Variants in SYNRG observed in about 807,000 individuals in gnomAD.
SYNRG encodes AP1 gamma subunit binding protein 1.
Under a neutral mutation model 130.9 loss-of-function variants are expected in SYNRG, and 37 were observed. The ratio of observed to expected loss-of-function variants is 0.28; its 90% CI spans 0.22 to 0.37. The LOEUF (loss-of-function observed/expected upper bound fraction) is 0.37, where lower values mean the gene tolerates loss of function less well. Ranked by LOEUF, SYNRG falls within the 10% of genes least tolerant of loss-of-function variation. The probability of loss-of-function intolerance (pLI) is 1.00; values close to 1 mark genes in which losing one functional copy is unlikely to be tolerated. For missense variants in SYNRG, 1,338 were observed against 1,588.9 expected, an observed-to-expected ratio of 0.84 and a Z score of 2.68; for synonymous variants, 539 against 568.1, an observed-to-expected ratio of 0.95 and a Z score of 0.73.
At chr17:37,555,706 C>A (rs1395498545) in intron 13 of SYNRG, among the ~76,000 whole-genome samples, 2 of 152,128 alleles carry the variant, frequency 1.3e-5, no homozygotes, top group Non-Finnish European at 2.9e-5. Flanking sequence ...GAGTTCAAGA[C>A]AAGCCTGGCC....
At chr17:37,609,138 G>T in intron 1 of SYNRG, 141 bp downstream of exon 1, 1 of 1,010,614 alleles carries the variant, frequency 9.9e-7, no homozygotes, top group Non-Finnish European at 1.3e-6. Context: ...CTTTCGGCCT[G>T]GGTCCCTGGG....
chr17:37,531,861 T>G (rs1446295323), intron 19 of SYNRG, among the ~76,000 whole-genome samples: 1 of 152,194 alleles, frequency 6.6e-6, no homozygotes, highest in Non-Finnish European at 1.5e-5. Flanking sequence ...TCAAGCCCTG[T>G]AGTAACACTT....
intron 6 of SYNRG, among the ~76,000 whole-genome samples, chr17:37,581,010 T>C (rs1006376140): frequency 6.6e-6 from 1 of 152,140 alleles, no homozygotes; most frequent in Non-Finnish European, 1.5e-5. Context: ...TGATATTTTC[T>C]TGTGAAAAGC....
intron 8 of SYNRG, among the ~76,000 whole-genome samples, chr17:37,575,844 A>T (rs2060790947): frequency 6.6e-6 from 1 of 150,686 alleles, no homozygotes; most frequent in Admixed American, 6.6e-5. Flanking sequence ...TTGTCTCAAA[A>T]AAAAAAAAAA....
intron 6 of SYNRG, among the ~76,000 whole-genome samples, chr17:37,580,080 T>C (rs546178764): frequency 2.0e-5 from 3 of 152,218 alleles, no homozygotes; most frequent in Admixed American, 1.3e-4. Context: ...CAAACCAATA[T>C]ACATCAGATA....
In SYNRG at chr17:37,517,343, G is replaced by T. The variant is rs1328958056; in HGVS notation, c.*1597C>A. On this transcript the variant is annotated 3_prime_UTR_variant, in exon 22 of 22. Transcript: ENST00000612223. ...AAGCCTGCCAAAAGCTGTCCCACTT[G>T]TGTTGTTAGAAACACCCCACTAGCC... 6.6e-6 allele frequency: 1 copy of T among 152,176 alleles called. No homozygotes were observed. Among genetic ancestry groups the T allele is most frequent in the Admixed American group, 6.5e-5 (1 of 15,278 alleles). 9.4% of individuals were successfully genotyped at this position (152,176 alleles called of 1,614,324 possible). A position where few individuals can be genotyped will look rare whatever the true frequency, so the allele number is the denominator to read the frequency against.
intron 14 of SYNRG, among the ~76,000 whole-genome samples, chr17:37,546,105 C>T (rs1214241049): frequency 1.3e-5 from 2 of 152,040 alleles, no homozygotes; most frequent in East Asian, 1.9e-4. Context: ...GTCCACTTAT[C>T]GGTATTATTG....
At chr17:37,540,629 T>A in intron 15 of SYNRG, 86 bp from the exon 16 acceptor site, 5 of 1,095,576 alleles carry the variant, frequency 4.6e-6, no homozygotes, top group Non-Finnish European at 6.2e-6. Flanking sequence ...ACAACCCTCT[T>A]CTTTTTTTTT....
chr17:37,533,983 G>T, intron 19 of SYNRG, among the ~76,000 whole-genome samples: 1 of 123,456 alleles, frequency 8.1e-6, no homozygotes, highest in Admixed American at 1.1e-4. Flanking sequence ...CACCTAGGCT[G>T]GAATGCAGTG....
intron 11 of SYNRG, among the ~76,000 whole-genome samples, chr17:37,565,886 G>A (rs972510394): frequency 3.3e-5 from 5 of 151,540 alleles, no homozygotes; most frequent in East Asian, 2.0e-4. Flanking sequence ...ATCTCTGCCC[G>A]GCAGCCACCC....
intron 11 of SYNRG, among the ~76,000 whole-genome samples, chr17:37,565,536 G>A (rs2059875621): frequency 6.7e-6 from 1 of 149,254 alleles, no homozygotes; most frequent in African/African-American, 2.5e-5. Context: ...CCCTCTGCCT[G>A]GCTGCCCAGT....
intron 19 of SYNRG, among the ~76,000 whole-genome samples, chr17:37,526,797 T>C (rs764367186): frequency 1.2e-4 from 18 of 152,314 alleles, no homozygotes; most frequent in African/African-American, 2.2e-4. Context: ...TGTGATGACA[T>C]TGGGGTCACC....
At chr17:37,559,768 T>C (rs1330705055) in intron 13 of SYNRG, among the ~76,000 whole-genome samples, 1 of 152,020 alleles carries the variant, frequency 6.6e-6, no homozygotes, top group East Asian at 1.9e-4. Flanking sequence ...GTAGTTTGAG[T>C]ATTAGCAGTA....
In SYNRG at chr17:37,516,233, G is replaced by C. The variant is rs1426945349; in HGVS notation, c.*2707C>G. On this transcript the variant is annotated 3_prime_UTR_variant, in exon 22 of 22. Coordinates refer to ENST00000612223, the MANE Select transcript of SYNRG (RefSeq NM_007247.6). The stretch of plus-strand genomic sequence containing the variant: ...AGGACACGGGGCTCCTGGCTGACAA[G>C]AAGAGCTGAGGTGAAGCTGAATGCA... 2.6e-5 allele frequency: 4 copies of C among 152,222 alleles called. No homozygotes were observed. The highest frequency in any genetic ancestry group is 2.6e-4 in the Admixed American group (4 of 15,274). 9.4% of individuals were successfully genotyped at this position (152,222 alleles called of 1,614,324 possible).
intron 1 of SYNRG, chr17:37,605,945 T>C: frequency 1.1e-5 from 11 of 985,408 alleles, no homozygotes; most frequent in Non-Finnish European, 1.3e-5. Context: ...ACCTCCAGAC[T>C]CTGGTTTCTA....
chr17:37,599,439 G>A (rs1241418634), intron 2 of SYNRG, among the ~76,000 whole-genome samples: 1 of 152,222 alleles, frequency 6.6e-6, no homozygotes, highest in Non-Finnish European at 1.5e-5. Context: ...ACTGAGACTT[G>A]GCCGGATGTG....
chr17:37,536,169 GAC>G (rs763410295), intron 18 of SYNRG, 42 bp from the exon 19 acceptor site: 3 of 1,566,818 alleles, frequency 1.9e-6, no homozygotes, highest in Non-Finnish European at 2.6e-6. Context: ...TGGCAGTGGA[GAC>G]ACAGAGGACC....
At chr17:37,552,805 A>C (rs1476470076) in intron 14 of SYNRG, among the ~76,000 whole-genome samples, 1 of 152,184 alleles carries the variant, frequency 6.6e-6, no homozygotes, top group Non-Finnish European at 1.5e-5. Flanking sequence ...GGTCTTTATC[A>C]AATTTCTGGC....
At chr17:37,577,691 TA>T in intron 6 of SYNRG, 78 bp from the exon 7 acceptor site, 6 of 887,676 alleles carry the variant, frequency 6.8e-6, no homozygotes, top group Admixed American at 2.8e-5. Flanking sequence ...TCCACCCCCA[TA>T]TTCTTTTTTT....
Sources: allele counts gnomAD v4.1 joint callset (sites outside exome capture counted in the v4.1 genomes callset), GRCh38; gene constraint gnomAD v4.1.1; transcripts MANE v1.5; gene names NCBI Gene and HGNC (gene_info 2026-07-23, HGNC 2026-07-21).